Variants in TNC observed in about 807,000 individuals in gnomAD.
TNC encodes tenascin.
A neutral mutation model predicts 202.4 loss-of-function variants in TNC; 109 were observed. That is an observed-to-expected ratio of 0.54 (90% CI 0.46 to 0.63). The LOEUF is 0.63. TNC is among the 30% of genes least tolerant of loss of function. The pLI, the probability that TNC is intolerant of heterozygous loss-of-function variation, is 0.00. For missense variants in TNC, 2,756 were observed against 2,833.3 expected, an observed-to-expected ratio of 0.97 and a Z score of 0.62; for synonymous variants, 1,007 against 1,089.7, an observed-to-expected ratio of 0.92 and a Z score of 1.50.
chr9:115,114,226 T>C (rs1315844673), intron 1 of TNC, among the ~76,000 whole-genome samples: 2 of 152,220 alleles, frequency 1.3e-5, no homozygotes, highest in African/African-American at 4.8e-5. Flanking sequence ...TTCAAGGGGA[T>C]TCCCTACAAT....
Position 115,101,644 on chromosome 9 carries a change from C to T in TNC, c.-136-10490G>A, listed in dbSNP as rs77831719. 9.8e-3 allele frequency among the ~76,000 whole-genome samples: 1,488 copies of T among 152,252 alleles called. 22 individuals are homozygous for T. Among genetic ancestry groups the T allele is most frequent in the African/African-American group, 0.034 (1,415 of 41,558 alleles). ...ATAAATGTTAACATTCTTTCAAGAGCGAAATGCTATTTACTTAGTATGGAC... is the reference window on the plus strand; with the variant it reads ...ATAAATGTTAACATTCTTTCAAGAGTGAAATGCTATTTACTTAGTATGGAC... On this transcript the variant is annotated intron_variant, in intron 1 of 27. Coordinates refer to ENST00000350763, the MANE Select transcript of TNC (RefSeq NM_002160.4).
intron 1 of TNC, among the ~76,000 whole-genome samples, chr9:115,104,211 C>T (rs1268631980): frequency 1.3e-5 from 2 of 152,120 alleles, no homozygotes; most frequent in Non-Finnish European, 2.9e-5. Context: ...GGTCTTCATC[C>T]AGAATTTTAA....
At position 115,086,215 on chromosome 9, in the gene TNC, T is replaced by C. The variant is rs979949078; in HGVS notation, c.1516A>G (p.Ser506Gly). ...CRDRQCPRDCSNRGLCVDGQC... is the reference protein window; with the variant it reads ...CRDRQCPRDCGNRGLCVDGQC... ...CCGTCCACACAGAGGCCCCTGTTGC[T>C]GCAGTCCCTGGGGCATTGGCGATCC... Residue 506 changes from serine to glycine, a missense_variant, in exon 3 of 28, where the codon AGC becomes GGC. This residue lies in a region of TNC where 2,559 missense variants were observed against 2,546.0 expected (regional missense o/e 1.01). Transcript: ENST00000350763. 4 of 1,614,080 alleles carry C rather than the reference T, an allele frequency of 2.5e-6. No individual in the cohort carries two copies. In the African/African-American group the frequency reaches 5.3e-5, roughly 22 times the overall value.
Position 115,038,255 on chromosome 9 carries a change from C to T in TNC, c.5512+6G>A, listed in dbSNP as rs749222152. On this transcript the variant is annotated splice_donor_region_variant and intron_variant, in intron 20 of 27. Transcript: ENST00000350763. ...AGAGTGAGGAGAGACTTGGACAAAA[C>T]CTTACCTTTCTCGCCTGTGTAGGAG... The T allele has an allele frequency of 3.1e-5, 50 of 1,613,172 alleles. No homozygotes were observed. The highest frequency in any genetic ancestry group is 3.4e-6 in the Non-Finnish European group (4 of 1,179,408).
At chr9:115,097,954 C>A (rs1002151265) in intron 1 of TNC, among the ~76,000 whole-genome samples, 53 of 152,200 alleles carry the variant, frequency 3.5e-4, no homozygotes, top group African/African-American at 1.3e-3. Context: ...AGGTGCCTAA[C>A]TGCTCACAGT....
intron 14 of TNC, 121 bp from the exon 15 acceptor site, chr9:115,057,546 G>T (rs962896509): frequency 2.8e-6 from 3 of 1,081,826 alleles, no homozygotes; most frequent in Non-Finnish European, 4.0e-6. Flanking sequence ...ATAATTCAGG[G>T]CTATGATGGA....
chr9:115,029,480 G>C, intron 24 of TNC, 24 bp from the exon 25 acceptor site: 1 of 1,609,798 alleles, frequency 6.2e-7, no homozygotes, highest in Non-Finnish European at 8.5e-7. Flanking sequence ...GATGAATCTG[G>C]GTGTACTTAA....
chr9:115,042,389 T>C, intron 17 of TNC, 48 bp from the exon 18 acceptor site: 1 of 1,601,230 alleles, frequency 6.2e-7, no homozygotes, highest in African/African-American at 1.3e-5. Context: ...TTAACTGTCT[T>C]GTTCATCAAT....
intron 5 of TNC, 113 bp from the exon 6 acceptor site, chr9:115,082,041 T>G: frequency 2.9e-6 from 3 of 1,023,830 alleles, no homozygotes; most frequent in Non-Finnish European, 4.2e-6. Flanking sequence ...ATCGATTCAT[T>G]AGGCACTTAC....
intron 6 of TNC, among the ~76,000 whole-genome samples, chr9:115,080,564 A>G (rs1834227713): frequency 6.6e-6 from 1 of 152,192 alleles, no homozygotes; most frequent in African/African-American, 2.4e-5. Flanking sequence ...TATCTTGAAG[A>G]AAATAAAGAG....
chr9:115,024,278 A>T (rs1829307900), intron 26 of TNC, 142 bp from the exon 27 acceptor site: 1 of 785,642 alleles, frequency 1.3e-6, no homozygotes. Context: ...GTCAGCATTG[A>T]ATGCGGAACT....
chr9:115,058,539 G>A (rs963296993), intron 14 of TNC, among the ~76,000 whole-genome samples: 2 of 152,148 alleles, frequency 1.3e-5, no homozygotes, highest in African/African-American at 2.4e-5. Context: ...AAGGAGGTCC[G>A]GGTGCCTTCA....
intron 2 of TNC, 57 bp from the exon 3 acceptor site, chr9:115,087,330 A>G: frequency 6.4e-7 from 1 of 1,565,266 alleles, no homozygotes; most frequent in Non-Finnish European, 8.7e-7. Context: ...ATTTTTCTGT[A>G]TCTACCCAGG....
intron 1 of TNC, among the ~76,000 whole-genome samples, chr9:115,091,840 T>A (rs1835262515): frequency 6.6e-6 from 1 of 152,244 alleles, no homozygotes; most frequent in South Asian, 2.1e-4. Flanking sequence ...TCCCTGCTCC[T>A]TGATTTATTT....
intron 17 of TNC, 54 bp from the exon 18 acceptor site, chr9:115,042,395 T>C (rs761607053): frequency 1.6e-5 from 25 of 1,597,170 alleles, no homozygotes; most frequent in Middle Eastern, 3.3e-4. Context: ...GTCTTGTTCA[T>C]CAATGGTTCT....
At chr9:115,022,813 A>C (rs972988939) in intron 27 of TNC, among the ~76,000 whole-genome samples, 2 of 152,302 alleles carry the variant, frequency 1.3e-5, no homozygotes, top group African/African-American at 4.8e-5. Flanking sequence ...TGAGATACAG[A>C]AGGTAACAGT....
intron 1 of TNC, among the ~76,000 whole-genome samples, chr9:115,091,950 GC>G (rs1835268936): frequency 1.3e-5 from 2 of 152,182 alleles, no homozygotes; most frequent in Non-Finnish European, 2.9e-5. Flanking sequence ...ATGTCTAAGA[GC>G]CTCTGATGTC....
At position 115,086,751 on chromosome 9, in the gene TNC, T is replaced by C. The variant is rs774137983; in HGVS notation, c.980A>G (p.Asn327Ser). 1.9e-6 allele frequency: 3 copies of C among 1,613,928 alleles called. No individual in the cohort carries two copies. The highest frequency in any genetic ancestry group is 1.6e-4 in the Middle Eastern group (1 of 6,062). The change falls in exon 3 of 28, where the codon AAT becomes AGT. Residue 327 changes from asparagine (N) to serine (S), a missense_variant. Asn to Ser is a conservative substitution (Grantham distance 46, BLOSUM62 1). Transcript: ENST00000350763. The part of the protein sequence containing the change: ...NDCFDRGRCI[N>S]GTCYCEEGFT... The stretch of plus-strand genomic sequence containing the variant: ...GCCTTCTTCGCAGTAGCAGGTGCCA[T>C]TGATGCAGCGGCCCCGGTCGAAGCA...
intron 22 of TNC, among the ~76,000 whole-genome samples, chr9:115,033,635 A>G (rs895972766): frequency 6.6e-6 from 1 of 152,248 alleles, no homozygotes; most frequent in Non-Finnish European, 1.5e-5. Context: ...TATCAATTCC[A>G]GGAAGGGGCA....
Sources: allele counts gnomAD v4.1 joint callset (sites outside exome capture counted in the v4.1 genomes callset), GRCh38; gene constraint gnomAD v4.1.1; regional missense constraint gnomAD v4.1.1; transcripts MANE v1.5; gene names NCBI Gene and HGNC (gene_info 2026-07-23, HGNC 2026-07-21).